Variants in EYA1 observed in about 807,000 individuals in gnomAD.
EYA1 encodes EYA transcriptional coactivator and phosphatase 1.
A neutral mutation model predicts 82.0 loss-of-function variants in EYA1; 16 were observed. The ratio of observed to expected loss-of-function variants is 0.20; its 90% CI spans 0.13 to 0.30. The LOEUF is 0.30. Among genes scored for constraint, EYA1 ranks in the 10% least tolerant of loss-of-function variants. EYA1 has a pLI of 1.00. For synonymous variants in EYA1, 261 were observed against 264.4 expected, an observed-to-expected ratio of 0.99 and a Z score of 0.12; for missense variants, 633 against 730.7, an observed-to-expected ratio of 0.87 and a Z score of 1.54.
chr8:71,329,290 A>G (rs1823533418), intron 4 of EYA1, among the ~76,000 whole-genome samples: 1 of 152,178 alleles, frequency 6.6e-6, no homozygotes, highest in Non-Finnish European at 1.5e-5. Flanking sequence ...TCTTGAATAC[A>G]TGAAAAATTA....
chr8:71,325,542 G>C (rs1241584522), intron 4 of EYA1, among the ~76,000 whole-genome samples: 4 of 152,148 alleles, frequency 2.6e-5, no homozygotes, highest in African/African-American at 9.7e-5. Flanking sequence ...TGAGAATTAG[G>C]TCATAAGCAA....
chr8:71,280,718 T>C (rs1817716922), intron 9 of EYA1, among the ~76,000 whole-genome samples: 1 of 152,222 alleles, frequency 6.6e-6, no homozygotes, highest in Non-Finnish European at 1.5e-5. Flanking sequence ...TTTTTTCCGA[T>C]AAAAGGAGAA....
chr8:71,256,622 A>G (rs1314145258), intron 11 of EYA1, among the ~76,000 whole-genome samples: 1 of 152,226 alleles, frequency 6.6e-6, no homozygotes, highest in Non-Finnish European at 1.5e-5. Context: ...TGGTTTTACA[A>G]CAATGTGAAG....
intron 6 of EYA1, among the ~76,000 whole-genome samples, chr8:71,321,288 C>T (rs1263846423): frequency 2.0e-5 from 3 of 152,152 alleles, no homozygotes; most frequent in Non-Finnish European, 4.4e-5. Flanking sequence ...AAATTTGAGA[C>T]TATTACCACC....
At chr8:71,291,250 C>A (rs1586206678) in intron 9 of EYA1, among the ~76,000 whole-genome samples, 2 of 152,172 alleles carry the variant, frequency 1.3e-5, no homozygotes, top group South Asian at 4.1e-4. Flanking sequence ...CCTCTGAGGG[C>A]TCAGAGTTCT....
chr8:71,344,650 A>C (rs998831459), intron 3 of EYA1, among the ~76,000 whole-genome samples: 1 of 152,216 alleles, frequency 6.6e-6, no homozygotes, highest in Non-Finnish European at 1.5e-5. Context: ...ATCATCCTTA[A>C]TCATTCCTTT....
chr8:71,518,961 A>G (rs1813189782), intron 2 of EYA1, among the ~76,000 whole-genome samples: 2 of 152,348 alleles, frequency 1.3e-5, no homozygotes, highest in Admixed American at 6.5e-5. Flanking sequence ...CTATAGTAGT[A>G]CATAGTTGCA....
chr8:71,411,637 A>T (rs2129140775), intron 2 of EYA1, among the ~76,000 whole-genome samples: 1 of 151,882 alleles, frequency 6.6e-6, no homozygotes, highest in Non-Finnish European at 1.5e-5. Flanking sequence ...AATGCTCATC[A>T]TCACTGGCCA....
intron 2 of EYA1, among the ~76,000 whole-genome samples, chr8:71,393,908 C>A (rs1005720202): frequency 6.6e-6 from 1 of 152,298 alleles, no homozygotes; most frequent in East Asian, 1.9e-4. Context: ...ACAGTCCCAC[C>A]AACAGTGTAA....
intron 2 of EYA1, among the ~76,000 whole-genome samples, chr8:71,486,474 T>C (rs1211473520): frequency 6.6e-6 from 1 of 152,088 alleles, no homozygotes; most frequent in Non-Finnish European, 1.5e-5. Flanking sequence ...AACCTGGGGG[T>C]CCTTTTTCTC....
chr8:71,361,399 A>C (rs1471210486), intron 1 of EYA1, among the ~76,000 whole-genome samples: 3 of 152,234 alleles, frequency 2.0e-5, no homozygotes, highest in Admixed American at 2.0e-4. Context: ...GTTAACAATT[A>C]ATTTGTAATT....
intron 12 of EYA1, among the ~76,000 whole-genome samples, chr8:71,218,305 T>C (rs1162032102): frequency 2.6e-5 from 4 of 152,188 alleles, no homozygotes; most frequent in African/African-American, 7.2e-5. Context: ...GAAAGCACTA[T>C]AATAATAGAA....
intron 2 of EYA1, chr8:71,404,122 A>G (rs1423568205): frequency 6.6e-6 from 1 of 152,230 alleles, no homozygotes; most frequent in Non-Finnish European, 1.5e-5. Context: ...AAGGACGAAC[A>G]TATTTCATCC....
chr8:71,428,190 G>A (rs1171045874), intron 2 of EYA1, among the ~76,000 whole-genome samples: 4 of 152,028 alleles, frequency 2.6e-5, no homozygotes, highest in South Asian at 2.1e-4. Flanking sequence ...TTTGGTTAAC[G>A]TTATTTTGTT....
At chr8:71,453,751 A>T (rs1216813751) in intron 2 of EYA1, among the ~76,000 whole-genome samples, 2 of 152,228 alleles carry the variant, frequency 1.3e-5, no homozygotes, top group African/African-American at 4.8e-5. Flanking sequence ...GACCTGCCCT[A>T]CAAGCGCTCC....
chr8:71,491,812 C>T lies in EYA1; in HGVS notation c.33+43932G>A, dbSNP rs112379742. ...CAGTTATGCGGTGGTTACTAACAGT[C>T]CATGAAGGTGTGAGACACATGTTGT... On this transcript the variant is annotated intron_variant, in intron 2 of 18. Coordinates refer to the EYA1 transcript ENST00000643681. Among the ~76,000 whole-genome samples, 533 of 152,240 alleles carry T rather than the reference C, an allele frequency of 3.5e-3. 4 individuals carry two copies. The highest frequency in any genetic ancestry group is 0.012 in the African/African-American group (505 of 41,528).
At chr8:71,508,998 G>A (rs1812400807) in intron 2 of EYA1, among the ~76,000 whole-genome samples, 1 of 152,088 alleles carries the variant, frequency 6.6e-6, no homozygotes, top group Admixed American at 6.6e-5. Flanking sequence ...GAGGAGAGCA[G>A]ACTGCTTGAG....
chr8:71,422,707 T>A (rs916829679), intron 2 of EYA1, among the ~76,000 whole-genome samples: 2 of 152,114 alleles, frequency 1.3e-5, no homozygotes, highest in African/African-American at 2.4e-5. Context: ...CTTCTTCACA[T>A]GATGGCAGGA....
chr8:71,265,474 T>C (rs1252846222), intron 11 of EYA1, among the ~76,000 whole-genome samples: 1 of 152,248 alleles, frequency 6.6e-6, no homozygotes. Context: ...ATCCATATTT[T>C]TAAGATCCAT....
Sources: gnomAD v4.1 joint callset for allele counts (sites outside exome capture counted in the v4.1 genomes callset) on GRCh38, gnomAD v4.1.1 for gene constraint, MANE v1.5 for transcripts, NCBI Gene and HGNC (gene_info 2026-07-23, HGNC 2026-07-21) for gene names.